Variants in POPDC1 observed in about 807,000 individuals in gnomAD.
POPDC1 encodes popeye domain cAMP effector 1, also known as popeye domain-containing protein 1.
At chr6:105,115,105 G>C in the POPDC1 span, among the ~76,000 whole-genome samples, 1 of 152,276 alleles carries the variant, frequency 6.6e-6, no homozygotes, top group Non-Finnish European at 1.5e-5. Context: ...TTTTATTTTT[G>C]AGACGGAGTC....
chr6:105,126,299 A>C, the POPDC1 span, among the ~76,000 whole-genome samples: 1 of 150,994 alleles, frequency 6.6e-6, no homozygotes, highest in South Asian at 2.1e-4. Context: ...AAGAAAAAAA[A>C]TTAGTACCTA....
At chr6:105,124,460 C>T in the POPDC1 span, 1 of 784,746 alleles carries the variant, frequency 1.3e-6, no homozygotes, top group Non-Finnish European at 2.1e-6. Flanking sequence ...CCCAATAATT[C>T]ATAGCAGTGT....
the POPDC1 span, among the ~76,000 whole-genome samples, chr6:105,117,524 G>C: frequency 8.5e-5 from 13 of 152,108 alleles, no homozygotes; most frequent in African/African-American, 3.1e-4. Flanking sequence ...ATTGTATGTA[G>C]GAAAGCAGAA....
the POPDC1 span, chr6:105,124,571 C>T: frequency 6.2e-7 from 1 of 1,610,342 alleles, no homozygotes; most frequent in Non-Finnish European, 8.5e-7. Flanking sequence ...CTTTGTGCAT[C>T]TGAGTTGATC....
chr6:105,113,077 T>A, the POPDC1 span, among the ~76,000 whole-genome samples: 1 of 151,994 alleles, frequency 6.6e-6, no homozygotes, highest in Non-Finnish European at 1.5e-5. Context: ...ACCACAGGCA[T>A]GTATCACCAT....
chr6:105,136,823 C>G, the POPDC1 span: 2 of 152,354 alleles, frequency 1.3e-5, no homozygotes, highest in East Asian at 3.9e-4. Context: ...GCGCGTAGAA[C>G]AAGCAGCTGC....
chr6:105,116,904 A>T, the POPDC1 span: 2 of 1,581,306 alleles, frequency 1.3e-6, no homozygotes, highest in Non-Finnish European at 1.7e-6. Context: ...AATAAAGTAC[A>T]TCTATGTATA....
the POPDC1 span, among the ~76,000 whole-genome samples, chr6:105,101,536 A>T: frequency 2.0e-5 from 3 of 152,208 alleles, no homozygotes; most frequent in Admixed American, 1.3e-4. Context: ...GCATGTTCCT[A>T]CATTAATATC....
the POPDC1 span, chr6:105,100,842 T>A: frequency 3.4e-6 from 1 of 291,146 alleles, no homozygotes; most frequent in Non-Finnish European, 6.2e-6. Context: ...ACTGTGAAAA[T>A]ATATATCTCA....
the POPDC1 span, chr6:105,124,767 C>T: frequency 1.3e-6 from 1 of 764,054 alleles, no homozygotes; most frequent in Non-Finnish European, 2.1e-6. Flanking sequence ...TTTAAAAATT[C>T]CACAGAGATG....
At chr6:105,126,203 G>A in the POPDC1 span, among the ~76,000 whole-genome samples, 5 of 149,150 alleles carry the variant, frequency 3.4e-5, no homozygotes, top group Admixed American at 1.4e-4. Flanking sequence ...TCTAGCTTGG[G>A]CAACAAGAGC....
the POPDC1 span, chr6:105,116,636 T>A: frequency 7.4e-7 from 1 of 1,346,428 alleles, no homozygotes; most frequent in Non-Finnish European, 1.0e-6. Flanking sequence ...GAAAACATAT[T>A]TCATAAAGTG....
At chr6:105,115,872 A>G in the POPDC1 span, 23 of 1,598,786 alleles carry the variant, frequency 1.4e-5, no homozygotes, top group Admixed American at 4.0e-4. Context: ...TGGGAGTTGA[A>G]TCATACATTC....
the POPDC1 span, among the ~76,000 whole-genome samples, chr6:105,119,882 TTTAAG>T: frequency 2.6e-5 from 4 of 152,224 alleles, no homozygotes; most frequent in African/African-American, 4.8e-5. Context: ...TTTCGACCTG[TTTAAG>T]TTATTATTGA....
At chr6:105,118,519 C>T in the POPDC1 span, among the ~76,000 whole-genome samples, 76 of 152,210 alleles carry the variant, frequency 5.0e-4, no homozygotes, top group Middle Eastern at 3.2e-3. Flanking sequence ...AGATACTCTT[C>T]AAGGTATGAA....
At chr6:105,102,233 T>C in the POPDC1 span, among the ~76,000 whole-genome samples, 4 of 152,166 alleles carry the variant, frequency 2.6e-5, no homozygotes, top group African/African-American at 9.7e-5. Context: ...TTTAAATACA[T>C]GCTCACAGCA....
the POPDC1 span, among the ~76,000 whole-genome samples, chr6:105,122,995 G>A: frequency 6.6e-6 from 1 of 152,122 alleles, no homozygotes; most frequent in Non-Finnish European, 1.5e-5. Context: ...GAGCAGGGCA[G>A]GATTGAAACC....
chr6:105,124,330 C>T, the POPDC1 span, among the ~76,000 whole-genome samples: 1 of 142,654 alleles, frequency 7.0e-6, no homozygotes, highest in Non-Finnish European at 1.5e-5. Flanking sequence ...TGCAGTGAGC[C>T]GAGATTGCAC....
chr6:105,125,311 T>A, the POPDC1 span: 2 of 1,479,692 alleles, frequency 1.4e-6, no homozygotes, highest in African/African-American at 1.4e-5. Flanking sequence ...TGGCAACATT[T>A]CCTCCCATTC....
Sources: gnomAD v4.1 joint callset for allele counts (sites outside exome capture counted in the v4.1 genomes callset) on GRCh38, gnomAD v4.1.1 for gene constraint, MANE v1.5 for transcripts, NCBI Gene and HGNC (gene_info 2026-07-23, HGNC 2026-07-21) for gene names.